ZNF257: variants seen among roughly 807,000 people sequenced by gnomAD.
The protein encoded by ZNF257 is zinc finger protein 257.
ZNF257 carries 12 observed loss-of-function variants against 11.9 expected under a neutral mutation model. The observed-to-expected ratio is 1.01, with a 90% CI of 0.65 to 1.63. The LOEUF (loss-of-function observed/expected upper bound fraction) is 1.63. Among genes scored for constraint, ZNF257 ranks in the 40% most tolerant of loss-of-function variants. The pLI is 0.00. For synonymous variants in ZNF257, 183 were observed against 222.7 expected (o/e 0.82, Z 1.59); for missense variants, 580 against 665.5 (o/e 0.87, Z 1.41).
rs749346256 is a variant in ZNF257, at chr19:22,089,160, G to A, written c.1410G>A (p.Gln470=). The A allele has an allele frequency of 3.1e-6, 5 of 1,612,106 alleles. No individual in the cohort carries two copies. The change falls in exon 4 of 4, where the codon CAG becomes CAA. Residue 470 remains glutamine, a synonymous_variant. Transcript: ENST00000594947. Reference sequence around the variant, plus strand: ...AAGAGTGTGGCAAAGCCTTTAACCAGTCTTCACACCTTACTCAACATAAAA... The same window carrying A: ...AAGAGTGTGGCAAAGCCTTTAACCAATCTTCACACCTTACTCAACATAAAA... ...KCEECGKAFN[Q]SSHLTQHKII... is the part of the protein sequence containing the mutation.
intron 3 of ZNF257, among the ~76,000 whole-genome samples, chr19:22,083,040 A>G (rs1044229934): frequency 6.6e-6 from 1 of 152,094 alleles, no homozygotes; most frequent in Non-Finnish European, 1.5e-5. Flanking sequence ...AGGTTGTTTA[A>G]TCCTGTGTAG....
At chr19:22,057,891 C>T (rs956030579) in intron 1 of ZNF257, among the ~76,000 whole-genome samples, 2 of 152,140 alleles carry the variant, frequency 1.3e-5, no homozygotes, top group Non-Finnish European at 2.9e-5. Context: ...TCCTGAATAG[C>T]TGGGATTACA....
rs186254693 is a variant in ZNF257 at position 22,089,747 on chromosome 19, C to T, written c.*305C>T. 9.2e-4 allele frequency: 404 copies of T among 440,294 alleles called. 4 individuals carry two copies. Among genetic ancestry groups the T allele is most frequent in the African/African-American group, 6.3e-3 (311 of 49,272 alleles). The allele number at this position is 440,294 out of a possible 1,614,324, so 27.3% of individuals were successfully genotyped here. ...GACAAGGCCTTTAAAAGTTCTCAAC[C>T]CTTATTACACATAATTTATACTGGA... is the stretch of plus-strand genomic sequence containing the variant. On this transcript the variant is annotated 3_prime_UTR_variant, in exon 4 of 4. Transcript: ENST00000594947.
intron 3 of ZNF257, among the ~76,000 whole-genome samples, chr19:22,085,083 C>G (rs893798418): frequency 4.0e-5 from 6 of 151,486 alleles, no homozygotes; most frequent in Admixed American, 3.3e-4. Context: ...AGACAGAGTC[C>G]TGCTCTGTTG....
At chr19:22,067,680 CA>C in intron 1 of ZNF257, among the ~76,000 whole-genome samples, 1 of 151,712 alleles carries the variant, frequency 6.6e-6, no homozygotes, top group Middle Eastern at 3.4e-3. Flanking sequence ...GCTAAAAATA[CA>C]AAAATTAGCT....
At chr19:22,082,360 T>C (rs776025989) in intron 3 of ZNF257, among the ~76,000 whole-genome samples, 3 of 152,140 alleles carry the variant, frequency 2.0e-5, no homozygotes, top group Non-Finnish European at 4.4e-5. Flanking sequence ...TTTGTTTTTA[T>C]ATGCAAAGTC....
chr19:22,078,792 C>CTTTTTTTTT (rs376822565), intron 3 of ZNF257, among the ~76,000 whole-genome samples: 2 of 133,006 alleles, frequency 1.5e-5, no homozygotes, highest in African/African-American at 2.8e-5. Flanking sequence ...TTCTTTCTTT[C>CTTTTTTTTT]TTTTTTTTTT....
chr19:22,089,848 A>G lies in ZNF257; in HGVS notation c.*406A>G, dbSNP rs1449117239. On this transcript the variant is annotated 3_prime_UTR_variant, in exon 4 of 4. Coordinates refer to ENST00000594947, the MANE Select transcript of ZNF257 (RefSeq NM_033468.4). ...ATTCTTAACAGATATAAGATGTTTCATACTGGAGCGAAACTACAATCCTGA... is the reference window on the plus strand; with the variant it reads ...ATTCTTAACAGATATAAGATGTTTCGTACTGGAGCGAAACTACAATCCTGA... The G allele has an allele frequency of 1.1e-5, 2 of 189,190 alleles. No individual in the cohort carries two copies. The highest frequency in any genetic ancestry group is 2.2e-5 in the Non-Finnish European group (2 of 88,994). The allele number at this position is 189,190 out of a possible 1,614,324, so 11.7% of individuals were successfully genotyped here.
chr19:22,066,332 T>G (rs1442093091), intron 1 of ZNF257: 1 of 154,508 alleles, frequency 6.5e-6, no homozygotes, highest in African/African-American at 2.4e-5. Context: ...TTCCCTTTAT[T>G]GTGAAGGTGC....
At position 22,088,359 on chromosome 19, in the gene ZNF257, T is replaced by C; in HGVS notation, c.609T>C (p.Cys203=). Residue 203 remains cysteine (C), a synonymous_variant, in exon 4 of 4, where the codon TGT becomes TGC. Transcript: ENST00000594947. ...ATATTAGAGAGAATTCCCACAAATGTGAAGAATGTGGCAAAGCCTTTAACC... is the reference window on the plus strand; with the variant it reads ...ATATTAGAGAGAATTCCCACAAATGCGAAGAATGTGGCAAAGCCTTTAACC... ...RIHIRENSHK[C]EECGKAFNQS... The C allele has an allele frequency of 1.2e-6, 2 of 1,613,750 alleles. No individual in the cohort carries two copies. The highest frequency in any genetic ancestry group is 1.7e-6 in the Non-Finnish European group (2 of 1,179,840).
chr19:22,079,789 A>G (rs1213091061), intron 3 of ZNF257, among the ~76,000 whole-genome samples: 2 of 152,078 alleles, frequency 1.3e-5, no homozygotes, highest in African/African-American at 2.4e-5. Context: ...ATTGTATTAA[A>G]TTTGTTCACA....
chr19:22,057,387 T>C (rs2021672018), intron 1 of ZNF257, among the ~76,000 whole-genome samples: 1 of 152,160 alleles, frequency 6.6e-6, no homozygotes, highest in African/African-American at 2.4e-5. Context: ...CAGCTAATTC[T>C]TTCTGGGGAG....
At chr19:22,057,221 C>T (rs1453976835) in intron 1 of ZNF257, among the ~76,000 whole-genome samples, 10 of 151,668 alleles carry the variant, frequency 6.6e-5, no homozygotes, top group Non-Finnish European at 1.0e-4. Context: ...AATTTTTTTT[C>T]CTTATATGAG....
At chr19:22,053,201 T>G (rs1971743276) in intron 1 of ZNF257, among the ~76,000 whole-genome samples, 1 of 151,658 alleles carries the variant, frequency 6.6e-6, no homozygotes, top group South Asian at 2.1e-4. Flanking sequence ...AAACCCCGCC[T>G]CTACTAAAAA....
At position 22,088,939 on chromosome 19, in the gene ZNF257, G is replaced by C. The variant is rs184934654; in HGVS notation, c.1189G>C (p.Glu397Gln). The C allele has an allele frequency of 6.2e-7, 1 of 1,611,764 alleles. No individual in the cohort carries two copies. Among genetic ancestry groups the C allele is most frequent in the Non-Finnish European group, 8.5e-7 (1 of 1,179,152 alleles). ...LTKHKRIHTR[E>Q]KAYKCDEYCK... ...TAAACATAAGAGAATTCATACTAGAGAGAAGGCCTACAAATGTGATGAATA... is the reference window on the plus strand; with the variant it reads ...TAAACATAAGAGAATTCATACTAGACAGAAGGCCTACAAATGTGATGAATA... Residue 397 changes from glutamate (E) to glutamine (Q), a missense_variant, in exon 4 of 4, where the codon GAG becomes CAG. Glu to Gln is a conservative substitution (Grantham distance 29). Coordinates refer to ENST00000594947, the MANE Select transcript of ZNF257 (RefSeq NM_033468.4).
At chr19:22,071,267 A>G (rs988769322) in intron 1 of ZNF257, among the ~76,000 whole-genome samples, 1 of 152,152 alleles carries the variant, frequency 6.6e-6, no homozygotes, top group African/African-American at 2.4e-5. Context: ...TTTTATTTTC[A>G]TAGAGAAGCT....
chr19:22,067,308 A>G (rs868285787), intron 1 of ZNF257, among the ~76,000 whole-genome samples: 2 of 152,076 alleles, frequency 1.3e-5, no homozygotes, highest in African/African-American at 2.4e-5. Context: ...ACCCAATCAG[A>G]GTAATATGTG....
intron 1 of ZNF257, among the ~76,000 whole-genome samples, chr19:22,057,721 A>G (rs932858083): frequency 1.3e-5 from 2 of 152,224 alleles, no homozygotes; most frequent in African/African-American, 4.8e-5. Flanking sequence ...CAGATTAAAA[A>G]GAAAGTGTGA....
chr19:22,076,538 G>T (rs1443151285), intron 3 of ZNF257, among the ~76,000 whole-genome samples: 1 of 151,904 alleles, frequency 6.6e-6, no homozygotes, highest in African/African-American at 2.4e-5. Context: ...CGAAATACCT[G>T]CCTTCCATGA....
Sources: allele counts gnomAD v4.1 joint callset (sites outside exome capture counted in the v4.1 genomes callset), GRCh38; gene constraint gnomAD v4.1.1; transcripts MANE v1.5; gene names NCBI Gene and HGNC (gene_info 2026-07-23, HGNC 2026-07-21).